MIPOL1: variants seen among roughly 807,000 people sequenced by gnomAD.
The protein encoded by MIPOL1 is mirror-image polydactyly gene 1 protein.
In MIPOL1, 57 loss-of-function variants were observed where a neutral mutation model predicts 60.9. The observed-to-expected ratio is 0.94, with a 90% CI of 0.76 to 1.17. The LOEUF (loss-of-function observed/expected upper bound fraction) is 1.17. MIPOL1 is among the 50% of genes most tolerant of loss of function. The pLI is 0.00. For missense variants in MIPOL1, 551 were observed against 511.6 expected, an observed-to-expected ratio of 1.08 and a Z score of -0.74; for synonymous variants, 179 against 168.8, an observed-to-expected ratio of 1.06 and a Z score of -0.47.
intron 10 of MIPOL1, among the ~76,000 whole-genome samples, chr14:37,397,790 G>A (rs760021916): frequency 3.3e-5 from 5 of 152,112 alleles, no homozygotes; most frequent in Non-Finnish European, 5.9e-5. Context: ...CAGCTCCCAT[G>A]CAATCTAAAG....
intron 10 of MIPOL1, among the ~76,000 whole-genome samples, chr14:37,403,760 A>G (rs962715079): frequency 3.4e-4 from 52 of 152,308 alleles, no homozygotes; most frequent in African/African-American, 1.1e-3. Flanking sequence ...CTGAGGTGTT[A>G]AAAACTGATA....
At chr14:37,282,236 T>C (rs1211791860) in intron 6 of MIPOL1, among the ~76,000 whole-genome samples, 1 of 44,698 alleles carries the variant, frequency 2.2e-5, no homozygotes, top group Non-Finnish European at 4.0e-5. Flanking sequence ...AATATTGCAG[T>C]AATATTATTA....
rs144240529 is a variant in MIPOL1 at position 37,204,197 on chromosome 14, G to A, written c.-199+6093G>A. 2.0e-3 allele frequency among the ~76,000 whole-genome samples: 305 copies of A among 152,154 alleles called. 1 individual carries two copies. Among genetic ancestry groups the A allele is most frequent in the African/African-American group, 7.2e-3 (300 of 41,526 alleles). ...GCTGACACTTCGATTCCAGCCTTTT[G>A]AGAGACCCTGGGCTGGAGGACTTAG... On this transcript the variant is annotated intron_variant, in intron 1 of 12. Transcript: ENST00000684589.
rs140781450 is a variant in MIPOL1 at position 37,218,539 on chromosome 14, G to T, written c.-199+20435G>T. 3.0e-3 allele frequency among the ~76,000 whole-genome samples: 453 copies of T among 152,158 alleles called. 3 individuals are homozygous for T. Among genetic ancestry groups the T allele is most frequent in the African/African-American group, 0.01 (430 of 41,502 alleles). ...GGTCTGTTTGATGGCCCAGAATAGG[G>T]TCTATTTTGGTAAATGCATCATGTG... On this transcript the variant is annotated intron_variant, in intron 1 of 12. Transcript: ENST00000684589.
At chr14:37,232,572 TTC>T (rs749321823) in intron 1 of MIPOL1, among the ~76,000 whole-genome samples, 15 of 152,222 alleles carry the variant, frequency 9.9e-5, no homozygotes, top group Non-Finnish European at 1.9e-4. Flanking sequence ...CTTTTTCCTC[TTC>T]TGTCAACACA....
chr14:37,431,987 A>G (rs2094079811), intron 11 of MIPOL1, among the ~76,000 whole-genome samples: 1 of 152,052 alleles, frequency 6.6e-6, no homozygotes, highest in Admixed American at 6.5e-5. Flanking sequence ...CGCTCAACAA[A>G]TATTTGTTAC....
chr14:37,312,048 G>A lies in MIPOL1; in HGVS notation c.828+3529G>A, dbSNP rs541316952. Reference sequence around the variant, plus strand: ...TGGGTTTGTTTTTCTCATGATTAAAGTGAGATTTTGAGTTTTGGGAAAGAA... The same window carrying A: ...TGGGTTTGTTTTTCTCATGATTAAAATGAGATTTTGAGTTTTGGGAAAGAA... On this transcript the variant is annotated intron_variant, in intron 9 of 12. Coordinates refer to ENST00000684589, the MANE Select transcript of MIPOL1 (RefSeq NM_001388067.1). Among the ~76,000 whole-genome samples the A allele has an allele frequency of 4.0e-5, 6 of 149,246 alleles. No individual in the cohort carries two copies. The East Asian group carries it at 1.2e-3, about 29-fold the overall frequency.
intron 1 of MIPOL1, among the ~76,000 whole-genome samples, chr14:37,243,104 A>C (rs1972611593): frequency 6.6e-6 from 1 of 152,242 alleles, no homozygotes; most frequent in Non-Finnish European, 1.5e-5. Context: ...CTTTGTACAT[A>C]AAAATATCTT....
intron 3 of MIPOL1, among the ~76,000 whole-genome samples, chr14:37,265,770 C>A (rs1316050965): frequency 6.6e-6 from 1 of 151,962 alleles, no homozygotes; most frequent in Non-Finnish European, 1.5e-5. Flanking sequence ...GAGTTTGAGG[C>A]CAGCCTGGGC....
chr14:37,419,515 A>G (rs749850921), intron 10 of MIPOL1, among the ~76,000 whole-genome samples: 2 of 152,226 alleles, frequency 1.3e-5, no homozygotes, highest in Admixed American at 6.5e-5. Context: ...TGAAAAATCC[A>G]TATGTGTACT....
At chr14:37,425,071 CA>C in intron 11 of MIPOL1, among the ~76,000 whole-genome samples, 1 of 152,154 alleles carries the variant, frequency 6.6e-6, no homozygotes. Context: ...ACATGAATGC[CA>C]TGTGGTTTGT....
intron 3 of MIPOL1, among the ~76,000 whole-genome samples, chr14:37,255,239 C>T (rs1011584029): frequency 4.0e-5 from 6 of 151,602 alleles, no homozygotes; most frequent in Admixed American, 3.3e-4. Flanking sequence ...GTGTGGCCTC[C>T]GTAGTATGAT....
At chr14:37,526,798 A>T (rs886590038) in intron 12 of MIPOL1, among the ~76,000 whole-genome samples, 1 of 152,266 alleles carries the variant, frequency 6.6e-6, no homozygotes, top group South Asian at 2.1e-4. Context: ...AGAAATGAAC[A>T]TTTTGAGGTT....
intron 11 of MIPOL1, among the ~76,000 whole-genome samples, chr14:37,483,084 A>C (rs1459946547): frequency 6.6e-6 from 1 of 151,906 alleles, no homozygotes; most frequent in African/African-American, 2.4e-5. Context: ...ACTACAAAAA[A>C]AATCTGCACA....
chr14:37,246,287 T>C (rs554071983), intron 1 of MIPOL1, among the ~76,000 whole-genome samples: 1 of 152,276 alleles, frequency 6.6e-6, no homozygotes, highest in Admixed American at 6.5e-5. Flanking sequence ...CATTATTTTA[T>C]TTCATTAAAA....
At chr14:37,291,942 T>TTTA (rs1555383776) in intron 7 of MIPOL1, among the ~76,000 whole-genome samples, 1 of 122,248 alleles carries the variant, frequency 8.2e-6, no homozygotes, top group African/African-American at 3.1e-5. Context: ...TTTTTTTTTT[T>TTTA]AGAGAAGGAG....
intron 7 of MIPOL1, among the ~76,000 whole-genome samples, chr14:37,296,063 T>C (rs4644778): frequency 0.96 from 146,814 of 152,148 alleles, 70,919 homozygotes; most frequent in East Asian, 1. Context: ...AGTAAAGCAC[T>C]CCTCAGCAAA....
At chr14:37,422,462 A>G (rs1377393179) in intron 10 of MIPOL1, among the ~76,000 whole-genome samples, 9 of 151,990 alleles carry the variant, frequency 5.9e-5, no homozygotes, top group African/African-American at 1.7e-4. Flanking sequence ...AAAATCTAGT[A>G]TGTTCAGGCA....
At chr14:37,494,126 C>G (rs935721546) in intron 11 of MIPOL1, among the ~76,000 whole-genome samples, 2 of 152,146 alleles carry the variant, frequency 1.3e-5, no homozygotes, top group Admixed American at 6.5e-5. Flanking sequence ...TATAGCTCTC[C>G]TGCTTCACCT....
Sources: allele counts gnomAD v4.1 joint callset (sites outside exome capture counted in the v4.1 genomes callset), GRCh38; gene constraint gnomAD v4.1.1; transcripts MANE v1.5; gene names NCBI Gene and HGNC (gene_info 2026-07-23, HGNC 2026-07-21).